Variants in WASF3 observed in about 807,000 individuals in gnomAD.
The protein encoded by WASF3 is WASP family member 3.
A neutral mutation model predicts 46.6 loss-of-function variants in WASF3; 11 were observed. The ratio of observed to expected loss-of-function variants is 0.24; its 90% CI spans 0.15 to 0.39. WASF3 has a LOEUF of 0.39. Among genes scored for constraint, WASF3 ranks in the 10% least tolerant of loss-of-function variants. The pLI is 1.00. For missense variants in WASF3, 576 were observed against 669.8 expected, an observed-to-expected ratio of 0.86 and a Z score of 1.55; for synonymous variants, 242 against 259.7, an observed-to-expected ratio of 0.93 and a Z score of 0.65.
chr13:26,652,222 A>G (rs928522373), intron 3 of WASF3, among the ~76,000 whole-genome samples: 1 of 152,238 alleles, frequency 6.6e-6, no homozygotes, highest in Non-Finnish European at 1.5e-5. Flanking sequence ...TGCAAACACA[A>G]GTTATAAGAA....
chr13:26,602,781 G>GA (rs896396168), intron 1 of WASF3, among the ~76,000 whole-genome samples: 1 of 152,054 alleles, frequency 6.6e-6, no homozygotes, highest in Non-Finnish European at 1.5e-5. Context: ...TGGTAATAAT[G>GA]AAAAAAATAC....
At position 26,682,533 on chromosome 13, in the gene WASF3, TAGGTGTCTA is replaced by T; in HGVS notation, c.984-71_984-63del. On this transcript the variant is annotated intron_variant, in intron 8 of 9. Coordinates refer to ENST00000335327, the MANE Select transcript of WASF3 (RefSeq NM_006646.6). The surrounding 1 kb of genome is among the most constrained non-coding windows in gnomAD (Gnocchi z 4.4). Reference sequence around the variant, plus strand: ...GTGTTGTGTCTGGGGATGGCTCCGTTAGGTGTCTAAGAGCTCCCAGGACGTGACCCTCTC... The same window carrying T: ...GTGTTGTGTCTGGGGATGGCTCCGTTAGAGCTCCCAGGACGTGACCCTCTC... 1 of 1,582,792 alleles carries T rather than the reference TAGGTGTCTA, an allele frequency of 6.3e-7. No homozygotes were observed. Among genetic ancestry groups the T allele is most frequent in the Non-Finnish European group, 8.6e-7 (1 of 1,160,624 alleles).
At chr13:26,675,710 C>T (rs754536069) in intron 6 of WASF3, among the ~76,000 whole-genome samples, 4 of 139,198 alleles carry the variant, frequency 2.9e-5, no homozygotes, top group Admixed American at 7.2e-5. Context: ...CGCAGTACCT[C>T]GGGCATAGCA....
intron 1 of WASF3, among the ~76,000 whole-genome samples, chr13:26,591,656 C>G (rs979919377): frequency 2.0e-5 from 3 of 152,052 alleles, no homozygotes; most frequent in African/African-American, 7.3e-5. Context: ...TAGACATCCA[C>G]GTGAAGACAC....
At position 26,597,578 on chromosome 13, in the gene WASF3, C is replaced by G. The variant is rs537894334; in HGVS notation, c.-108-15383C>G. Among the ~76,000 whole-genome samples, 16 of 152,228 alleles carry G rather than the reference C, an allele frequency of 1.1e-4. No individual in the cohort carries two copies. The East Asian group carries it at 3.1e-3, about 29-fold the overall frequency. ...ATATGTGCCATGTTGGTGTGCTGCA[C>G]CCATTAACTTGTCATTTAACATGTT... On this transcript the variant is annotated intron_variant, in intron 1 of 9. Transcript: ENST00000335327.
intron 3 of WASF3, among the ~76,000 whole-genome samples, chr13:26,662,104 G>C (rs964521591): frequency 2.8e-4 from 42 of 152,192 alleles, no homozygotes; most frequent in African/African-American, 9.9e-4. Flanking sequence ...CAGAAATGAG[G>C]TGCGGCCAGT....
At chr13:26,606,558 TGTTGC>T (rs958223690) in intron 1 of WASF3, 58 of 151,932 alleles carry the variant, frequency 3.8e-4, no homozygotes, top group Admixed American at 3.6e-3. Context: ...GATTTTGCCC[TGTTGC>T]CCGGGCTGGT....
the WASF3 span, among the ~76,000 whole-genome samples, chr13:26,539,228 C>T: frequency 6.6e-6 from 1 of 152,018 alleles, no homozygotes; most frequent in East Asian, 1.9e-4. Flanking sequence ...AATTTGGAAC[C>T]AGAGCCAAGG....
rs529251761 is a variant in WASF3, at chr13:26,604,043, A to G, written c.-108-8918A>G. Among the ~76,000 whole-genome samples the G allele has an allele frequency of 4.6e-5, 7 of 152,280 alleles. No individual in the cohort carries two copies. In the South Asian group the frequency reaches 8.3e-4, roughly 18 times the overall value. The stretch of plus-strand genomic sequence containing the variant: ...TGGTCCTGCAGCCATAGTGAAGAAG[A>G]TAGAGTCAGTCATAGAAGGAGTGGA... On this transcript the variant is annotated intron_variant, in intron 1 of 9. Transcript: ENST00000335327.
Position 26,687,298 on chromosome 13 carries a change from C to T in WASF3, c.*1453C>T, listed in dbSNP as rs558762945. On this transcript the variant is annotated 3_prime_UTR_variant, in exon 10 of 10. Coordinates refer to ENST00000335327, the MANE Select transcript of WASF3 (RefSeq NM_006646.6). ...ATTTCATATCCATTGTGGTTAGTTA[C>T]TCAGTTATGTTGAGAAGAATCTGGA... The T allele has an allele frequency of 6.6e-6, 1 of 152,332 alleles. No homozygotes were observed. The highest frequency in any genetic ancestry group is 2.4e-5 in the African/African-American group (1 of 41,564). 9.4% of individuals were successfully genotyped at this position (152,332 alleles called of 1,614,324 possible).
chr13:26,668,116 G>A (rs1882826279), intron 5 of WASF3, among the ~76,000 whole-genome samples: 1 of 152,098 alleles, frequency 6.6e-6, no homozygotes, highest in South Asian at 2.1e-4. Context: ...TAGTGTTAGG[G>A]GTTTTGAAGA....
chr13:26,629,700 G>C (rs73496312), intron 2 of WASF3, among the ~76,000 whole-genome samples: 7,161 of 152,180 alleles, frequency 0.047, 592 homozygotes, highest in African/African-American at 0.16. Context: ...CTGCTCATGG[G>C]ACTCACTTGT....
intron 2 of WASF3, chr13:26,622,884 A>T (rs970897210): frequency 6.6e-6 from 1 of 152,232 alleles, no homozygotes; most frequent in Non-Finnish European, 1.5e-5. Flanking sequence ...TCTTACTGTG[A>T]AGGTGGAGTT....
chr13:26,557,552 C>T (rs1433704786), upstream of WASF3, among the ~76,000 whole-genome samples: 15 of 152,136 alleles, frequency 9.9e-5, no homozygotes, highest in Non-Finnish European at 2.1e-4. Context: ...TCGCCGGCTC[C>T]CTATTGGCCG....
At chr13:26,548,756 T>C in the WASF3 span, among the ~76,000 whole-genome samples, 1 of 152,094 alleles carries the variant, frequency 6.6e-6, no homozygotes, top group Non-Finnish European at 1.5e-5. Flanking sequence ...TTCCCCCAAC[T>C]CACCAGCTTC....
In WASF3 at chr13:26,686,766, C is replaced by T. The variant is rs549756696; in HGVS notation, c.*921C>T. 1 of 152,264 alleles carries T rather than the reference C, an allele frequency of 6.6e-6. No homozygotes were observed. Among genetic ancestry groups the T allele is most frequent in the Non-Finnish European group, 1.5e-5 (1 of 68,060 alleles). 9.4% of individuals were successfully genotyped at this position (152,264 alleles called of 1,614,324 possible). A position where few individuals can be genotyped will look rare whatever the true frequency, so the allele number is the denominator to read the frequency against. ...CCCTGCTCCTTTAGTTTCCTGACAC[C>T]TGTGTCCTGAGTGAGCCGCAGGAGT... On this transcript the variant is annotated 3_prime_UTR_variant, in exon 10 of 10. Transcript: ENST00000335327.
chr13:26,554,092 C>CTTTCTTTCTTTCTTTCTTTCT (rs1443126879), upstream of WASF3, among the ~76,000 whole-genome samples: 6 of 23,270 alleles, frequency 2.6e-4, no homozygotes, highest in Admixed American at 5.6e-4. Flanking sequence ...TCCTTCCTTC[C>CTTTCTTTCTTTCTTTCTTTCT]TTCCTTCTTT....
At chr13:26,599,184 CTTTTTTT>C (rs57148941) in intron 1 of WASF3, among the ~76,000 whole-genome samples, 8 of 118,296 alleles carry the variant, frequency 6.8e-5, no homozygotes, top group African/African-American at 2.6e-4. Flanking sequence ...CTTTTCATTT[CTTTTTTT>C]TTTTTTTTTT....
chr13:26,623,968 C>T (rs1480248031), intron 2 of WASF3, among the ~76,000 whole-genome samples: 1 of 152,226 alleles, frequency 6.6e-6, no homozygotes, highest in African/African-American at 2.4e-5. Context: ...ACTAGGTTGA[C>T]TCAATCAACC....
Sources: gnomAD v4.1 joint callset for allele counts (sites outside exome capture counted in the v4.1 genomes callset) on GRCh38, gnomAD v4.1.1 for gene constraint, Gnocchi (gnomAD v3.1) non-coding constraint, MANE v1.5 for transcripts, NCBI Gene and HGNC (gene_info 2026-07-23, HGNC 2026-07-21) for gene names.